Variants in RASSF1 observed in about 807,000 individuals in gnomAD.
RASSF1 encodes the protein ras association domain-containing protein 1.
RASSF1 carries 33 observed loss-of-function variants against 34.3 expected under a neutral mutation model. The ratio of observed to expected loss-of-function variants is 0.96; its 90% CI spans 0.73 to 1.29. The LOEUF (loss-of-function observed/expected upper bound fraction) is 1.29. Among genes scored for constraint, RASSF1 ranks in the 50% most tolerant of loss-of-function variants. The pLI, the probability that RASSF1 is intolerant of heterozygous loss-of-function variation, is 0.00. For synonymous variants in RASSF1, 191 were observed against 195.0 expected, an observed-to-expected ratio of 0.98 and a Z score of 0.17; for missense variants, 445 against 471.8, an observed-to-expected ratio of 0.94 and a Z score of 0.53.
intron 3 of RASSF1, 25 bp downstream of exon 3, chr3:50,332,025 C>A: frequency 6.2e-7 from 1 of 1,609,338 alleles, no homozygotes; most frequent in Middle Eastern, 1.7e-4. Context: ...CCTCCCCACG[C>A]CCCCTTCCTG....
chr3:50,334,338 G>A (rs929640041), intron 2 of RASSF1, among the ~76,000 whole-genome samples: 6 of 152,168 alleles, frequency 3.9e-5, no homozygotes, highest in Non-Finnish European at 1.5e-5. Flanking sequence ...AAGAGCACTG[G>A]AGTAAAAACC....
At chr3:50,337,465 C>A in intron 2 of RASSF1, 1 of 1,556,928 alleles carries the variant, frequency 6.4e-7, no homozygotes, top group East Asian at 2.3e-5. Context: ...CGTAGATCGC[C>A]GGGATCTAGC....
chr3:50,330,766 G>A lies in RASSF1; in HGVS notation c.877-39C>T, dbSNP rs782227703. 1 of 1,602,486 alleles carries A rather than the reference G, an allele frequency of 6.2e-7. No homozygotes were observed. Among genetic ancestry groups the A allele is most frequent in the Admixed American group, 1.7e-5 (1 of 59,584 alleles). On this transcript the variant is annotated intron_variant, in intron 5 of 5. Coordinates refer to ENST00000359365, the MANE Select transcript of RASSF1 (RefSeq NM_007182.5). The surrounding 1 kb of genome is among the most constrained non-coding windows in gnomAD (Gnocchi z 4.5). ...AAGGGGAGTGTACAGGCTGCAGAAG[G>A]GATGGCCAAGCCAGCAGACCCTCCC... is the stretch of plus-strand genomic sequence containing the variant.
rs375200071 is a variant in RASSF1 at position 50,339,434 on chromosome 3, C to T, written c.250+1122G>A. ...AGGCTGGAGGGCAGTGGCACGATCT[C>T]GGCTCACTGCAACCTCCGCCTCCTG... On this transcript the variant is annotated intron_variant, in intron 1 of 5. Transcript: ENST00000359365. Among the ~76,000 whole-genome samples the T allele has an allele frequency of 2.3e-4, 33 of 144,878 alleles. 1 individual carries two copies. Among genetic ancestry groups the T allele is most frequent in the South Asian group, 8.8e-4 (4 of 4,528 alleles).
Position 50,337,981 on chromosome 3 carries a change from C to T in RASSF1, c.281G>A (p.Arg94His). 1 of 1,606,700 alleles carries T rather than the reference C, an allele frequency of 6.2e-7. No individual in the cohort carries two copies. The highest frequency in any genetic ancestry group is 8.5e-7 in the Non-Finnish European group (1 of 1,176,842). ...HCKFTCHYRCRALVCLDCCGP... is the reference protein window; with the variant it reads ...HCKFTCHYRCHALVCLDCCGP... ...GCAACAGTCCAGGCAGACGAGCGCG[C>T]GGCAGCGGTAGTGGCAGGTGAACTT... The change falls in exon 2 of 6, where the codon CGC (arginine) becomes CAC (histidine). Residue 94 changes from arginine to histidine, a missense_variant. Coordinates refer to ENST00000359365, the MANE Select transcript of RASSF1 (RefSeq NM_007182.5).
At chr3:50,332,577 C>T (rs780784266) in intron 2 of RASSF1, among the ~76,000 whole-genome samples, 1 of 151,828 alleles carries the variant, frequency 6.6e-6, no homozygotes, top group African/African-American at 2.4e-5. Flanking sequence ...ACTTGATCCT[C>T]AGGAGTTTGA....
Position 50,331,811 on chromosome 3 carries a change from G to A in RASSF1, c.508C>T (p.Leu170=). 1 of 1,591,584 alleles carries A rather than the reference G, an allele frequency of 6.3e-7. No individual in the cohort carries two copies. The highest frequency in any genetic ancestry group is 8.6e-7 in the Non-Finnish European group (1 of 1,164,000). The change falls in exon 4 of 6, where the codon CTG becomes TTG. Residue 170 remains leucine (L), a synonymous_variant. Coordinates refer to ENST00000359365, the MANE Select transcript of RASSF1 (RefSeq NM_007182.5). ...GAGGGCACAGAGACAGGGCGCACCA[G>A]CTTCAGCTGAACCTTGATGAAGCCT... ...YTGFIKVQLK[L]VRPVSVPSSK... is the part of the protein sequence containing the mutation.
chr3:50,337,123 G>A lies in RASSF1; in HGVS notation c.357+782C>T, dbSNP rs754840064. The A allele has an allele frequency of 4.6e-5, 71 of 1,527,422 alleles. No individual in the cohort carries two copies. In the African/African-American group the frequency reaches 8.5e-4, roughly 18 times the overall value. 94.6% of individuals were successfully genotyped at this position (1,527,422 alleles called of 1,614,324 possible). On this transcript the variant is annotated intron_variant, in intron 2 of 5. Transcript: ENST00000359365. ...GCGGCAACGGACCGGGGAGGGCGGAGCTCCAGCGACCGCTTCCCCTCCCGC... is the reference window on the plus strand; with the variant it reads ...GCGGCAACGGACCGGGGAGGGCGGAACTCCAGCGACCGCTTCCCCTCCCGC...
Position 50,337,968 on chromosome 3 carries a change from G to A in RASSF1, c.294C>T (p.Cys98=), listed in dbSNP as rs1351933224. 1.9e-6 allele frequency: 3 copies of A among 1,609,392 alleles called. No homozygotes were observed. Among genetic ancestry groups the A allele is most frequent in the African/African-American group, 1.3e-5 (1 of 75,000 alleles). ...GGTCCCGGGGCCCGCAACAGTCCAG[G>A]CAGACGAGCGCGCGGCAGCGGTAGT... ...TCHYRCRALV[C]LDCCGPRDLG... Residue 98 remains cysteine (C), a synonymous_variant, in exon 2 of 6, where the codon TGC becomes TGT. Coordinates refer to ENST00000359365, the MANE Select transcript of RASSF1 (RefSeq NM_007182.5).
At chr3:50,338,104 C>A in intron 1 of RASSF1, 93 bp from the exon 2 acceptor site, 1 of 1,508,146 alleles carries the variant, frequency 6.6e-7, no homozygotes, top group South Asian at 1.3e-5. Context: ...GGCCGCTGCT[C>A]GCCAGGCTCC....
In RASSF1 at chr3:50,340,576, C is replaced by G; in HGVS notation, c.230G>C (p.Arg77Pro). ...CTCACGCGCGCACTGCAGGCCTTTG[C>G]GCACGACGCCCCAGATGAAGTCGCC... Reference protein sequence around the residue: ...LCGDFIWGVVRKGLQCAHCKF... With the variant: ...LCGDFIWGVVPKGLQCAHCKF... Residue 77 changes from arginine (R) to proline (P), a missense_variant, in exon 1 of 6, where the codon CGC (arginine) becomes CCC (proline). Transcript: ENST00000359365. The G allele has an allele frequency of 6.5e-7, 1 of 1,544,118 alleles. No homozygotes were observed. The highest frequency in any genetic ancestry group is 8.6e-7 in the Non-Finnish European group (1 of 1,156,384).
chr3:50,336,238 A>C (rs1703131338), intron 2 of RASSF1: 1 of 152,198 alleles, frequency 6.6e-6, no homozygotes, highest in Non-Finnish European at 1.5e-5. Flanking sequence ...TTTTGTAAGG[A>C]ATTTTGTAAA....
rs747023080 is a variant in RASSF1, at chr3:50,337,558, A to G, written c.357+347T>C. On this transcript the variant is annotated intron_variant, in intron 2 of 5. Coordinates refer to ENST00000359365, the MANE Select transcript of RASSF1 (RefSeq NM_007182.5). ...AATGACCTCATCGCTCCGGAGCTCC[A>G]CTCACAGACCCCACCTACCACAGGG... 3 of 1,446,452 alleles carry G rather than the reference A, an allele frequency of 2.1e-6. No homozygotes were observed. The South Asian group carries it at 3.7e-5, about 18-fold the overall frequency. 89.6% of individuals were successfully genotyped at this position (1,446,452 alleles called of 1,614,324 possible). A position where few individuals can be genotyped will look rare whatever the true frequency, so the allele number is the denominator to read the frequency against.
At chr3:50,334,065 C>G (rs1018066891) in intron 2 of RASSF1, among the ~76,000 whole-genome samples, 1 of 152,192 alleles carries the variant, frequency 6.6e-6, no homozygotes, top group Non-Finnish European at 1.5e-5. Context: ...CCCAGGAGAG[C>G]CAGGGTTCTC....
At chr3:50,338,852 C>T (rs915585895) in intron 1 of RASSF1, among the ~76,000 whole-genome samples, 2 of 152,172 alleles carry the variant, frequency 1.3e-5, no homozygotes, top group Non-Finnish European at 2.9e-5. Context: ...CCATTCTCAC[C>T]CCCTCAGCAT....
intron 1 of RASSF1, 70 bp from the exon 2 acceptor site, chr3:50,338,081 G>T: frequency 6.5e-7 from 1 of 1,526,826 alleles, no homozygotes. Flanking sequence ...TTGAAGGGAA[G>T]CCCCAGGGAG....
intron 2 of RASSF1, chr3:50,337,420 G>A (rs1242319352): frequency 1.9e-6 from 3 of 1,578,920 alleles, no homozygotes; most frequent in East Asian, 2.3e-5. Flanking sequence ...GCGTGCGCCC[G>A]GGCCAGAGCC....
intron 2 of RASSF1, chr3:50,337,134 C>T (rs1199731556): frequency 1.9e-6 from 3 of 1,556,296 alleles, no homozygotes; most frequent in East Asian, 4.7e-5. Context: ...CTCCAGCGAC[C>T]GCTTCCCCTC....
chr3:50,340,726 T>C lies in RASSF1; in HGVS notation c.80A>G (p.Glu27Gly). The C allele has an allele frequency of 5.3e-6, 8 of 1,520,342 alleles. No homozygotes were observed. The highest frequency in any genetic ancestry group is 7.0e-6 in the Non-Finnish European group (8 of 1,143,858). The allele number at this position is 1,520,342 out of a possible 1,614,324, so 94.2% of individuals were successfully genotyped here. The stretch of plus-strand genomic sequence containing the variant: ...CGCGATGCGCAGCGCGTTGGCACGC[T>C]CCAGCCGGGTGCGGCCCTTCCCAGC... ...GRAGKGRTRLERANALRIARG... is the reference protein window; with the variant it reads ...GRAGKGRTRLGRANALRIARG... Residue 27 changes from glutamate to glycine, a missense_variant, in exon 1 of 6, where the codon GAG (glutamate) becomes GGG (glycine). Transcript: ENST00000359365.
Sources: allele counts gnomAD v4.1 joint callset (sites outside exome capture counted in the v4.1 genomes callset), GRCh38; gene constraint gnomAD v4.1.1; non-coding constraint Gnocchi (gnomAD v3.1); transcripts MANE v1.5; gene names NCBI Gene and HGNC (gene_info 2026-07-23, HGNC 2026-07-21).